TECPR2: variants seen among roughly 807,000 people sequenced by gnomAD.
TECPR2 encodes the protein tectonin beta-propeller repeat containing 2, also known as tectonin beta-propeller repeat-containing protein 2.
Under a neutral mutation model 138.1 loss-of-function variants are expected in TECPR2, and 65 were observed. The ratio of observed to expected loss-of-function variants is 0.47; its 90% CI spans 0.39 to 0.58. The LOEUF (loss-of-function observed/expected upper bound fraction) is 0.58, where lower values mean the gene tolerates loss of function less well. TECPR2 is among the 20% of genes least tolerant of loss of function. The probability of loss-of-function intolerance (pLI) is 0.00; values close to 1 mark genes in which losing one functional copy is unlikely to be tolerated. For missense variants in TECPR2, 1,553 were observed against 1,824.5 expected (o/e 0.85, Z 2.71); for synonymous variants, 746 against 749.8 (o/e 0.99, Z 0.08).
intron 17 of TECPR2, among the ~76,000 whole-genome samples, chr14:102,478,751 C>T (rs568623301): frequency 1.0e-3 from 159 of 152,056 alleles, no homozygotes; most frequent in Admixed American, 4.0e-3. Context: ...CATGGTGGCT[C>T]ACACCTGTAA....
At chr14:102,465,094 C>T (rs771372281) in intron 16 of TECPR2, 47 bp from the exon 17 acceptor site, 1 of 1,588,940 alleles carries the variant, frequency 6.3e-7, no homozygotes, top group South Asian at 1.1e-5. Context: ...AAAGAATAGT[C>T]ATTGTACAAA....
intron 17 of TECPR2, among the ~76,000 whole-genome samples, chr14:102,473,930 A>G (rs183507781): frequency 6.6e-6 from 1 of 152,304 alleles, no homozygotes; most frequent in Non-Finnish European, 1.5e-5. Context: ...AATGGTGTCT[A>G]TGGTGTGGTT....
Position 102,387,692 on chromosome 14 carries a change from A to G in TECPR2, c.219+10752A>G, listed in dbSNP as rs188692504. Among the ~76,000 whole-genome samples, 391 of 151,754 alleles carry G rather than the reference A, an allele frequency of 2.6e-3. 2 individuals are homozygous for G. The highest frequency in any genetic ancestry group is 9.0e-3 in the African/African-American group (373 of 41,366). On this transcript the variant is annotated intron_variant, in intron 2 of 19. Transcript: ENST00000359520. ...CAGGTGCCTGCCACCACGCCTGGCT[A>G]ATTTTTTGTATTTTTAATAGAGACA...
At chr14:102,437,305 G>T (rs1259302210) in intron 9 of TECPR2, among the ~76,000 whole-genome samples, 1 of 152,252 alleles carries the variant, frequency 6.6e-6, no homozygotes, top group East Asian at 1.9e-4. Flanking sequence ...CCAGCACTTT[G>T]GGAGGCCAAG....
At chr14:102,411,699 CAAAAAAAAAAAAAAAAA>C (rs1173849759) in intron 4 of TECPR2, among the ~76,000 whole-genome samples, 5 of 46,874 alleles carry the variant, frequency 1.1e-4, no homozygotes, top group South Asian at 1.2e-3. Flanking sequence ...CCATGTTGCT[CAAAAAAAAAAAAAAAAA>C]AAAAAAAAAA....
intron 9 of TECPR2, among the ~76,000 whole-genome samples, chr14:102,435,466 C>T (rs1317708678): frequency 6.6e-6 from 1 of 152,202 alleles, no homozygotes; most frequent in African/African-American, 2.4e-5. Context: ...TTGCTGTTTC[C>T]TCTGACCCCA....
intron 17 of TECPR2, among the ~76,000 whole-genome samples, chr14:102,490,860 A>G (rs1891142781): frequency 6.6e-6 from 1 of 152,122 alleles, no homozygotes; most frequent in Non-Finnish European, 1.5e-5. Flanking sequence ...TCCTCAGACG[A>G]CATGTGCTAG....
intron 2 of TECPR2, among the ~76,000 whole-genome samples, chr14:102,406,674 T>C (rs1318138817): frequency 1.3e-5 from 2 of 152,044 alleles, no homozygotes; most frequent in African/African-American, 4.8e-5. Flanking sequence ...GGCAATATAG[T>C]GAGACCTTGT....
intron 17 of TECPR2, among the ~76,000 whole-genome samples, chr14:102,470,333 A>G (rs1179962655): frequency 2.7e-5 from 4 of 145,850 alleles, no homozygotes; most frequent in Non-Finnish European, 4.5e-5. Flanking sequence ...TCTGACATGG[A>G]GTCTCGCTCT....
chr14:102,408,874 A>G lies in TECPR2; in HGVS notation c.480+255A>G, dbSNP rs148394192. The stretch of plus-strand genomic sequence containing the variant: ...ATTACTTTTACTTGAAAAAGAAGCT[A>G]TTATCATTCCTACTTCCTTGAAAGG... On this transcript the variant is annotated intron_variant, in intron 4 of 19. Coordinates refer to ENST00000359520, the MANE Select transcript of TECPR2 (RefSeq NM_014844.5). Among the ~76,000 whole-genome samples, 223 of 152,330 alleles carry G rather than the reference A, an allele frequency of 1.5e-3. 1 individual carries two copies. The highest frequency in any genetic ancestry group is 2.4e-3 in the Non-Finnish European group (161 of 68,036).
At chr14:102,400,020 T>C (rs1888430917) in intron 2 of TECPR2, among the ~76,000 whole-genome samples, 2 of 151,350 alleles carry the variant, frequency 1.3e-5, no homozygotes, top group Admixed American at 1.3e-4. Context: ...GTAATGTTGG[T>C]TTGTGAATCC....
Position 102,369,778 on chromosome 14 carries a change from AAAAAAAAC to A in TECPR2, c.-73+6685_-73+6692del, listed in dbSNP as rs1295399437. ...AACACGGTGAAACCCCGTCTCTACT[AAAAAAAAC>A]AAAAAAACAAAAAAACAAAAAATTA... On this transcript the variant is annotated intron_variant, in intron 1 of 19. Transcript: ENST00000359520. 1.4e-3 allele frequency among the ~76,000 whole-genome samples: 209 copies of A among 150,474 alleles called. 1 individual carries two copies. Among genetic ancestry groups the A allele is most frequent in the African/African-American group, 4.1e-3 (169 of 40,892 alleles).
chr14:102,476,221 A>C (rs1004463529), intron 17 of TECPR2, among the ~76,000 whole-genome samples: 20 of 150,952 alleles, frequency 1.3e-4, no homozygotes, highest in Non-Finnish European at 1.9e-4. Flanking sequence ...AAAAAAAAAA[A>C]AAAAAAAAAA....
intron 6 of TECPR2, among the ~76,000 whole-genome samples, chr14:102,427,078 T>G (rs1889343243): frequency 6.6e-6 from 1 of 152,000 alleles, no homozygotes. Flanking sequence ...GAGCCTGGTT[T>G]GTTTTCCTGT....
chr14:102,436,129 A>G (rs1379661408), intron 9 of TECPR2, among the ~76,000 whole-genome samples: 6 of 152,078 alleles, frequency 3.9e-5, no homozygotes, highest in Non-Finnish European at 8.8e-5. Flanking sequence ...TCTTGTCCCC[A>G]TTTTACAGAG....
At chr14:102,416,937 C>G (rs934834056) in intron 5 of TECPR2, among the ~76,000 whole-genome samples, 1 of 152,072 alleles carries the variant, frequency 6.6e-6, no homozygotes, top group Non-Finnish European at 1.5e-5. Flanking sequence ...TGAGCTGAGA[C>G]TGCACCACCG....
intron 7 of TECPR2, among the ~76,000 whole-genome samples, chr14:102,429,459 C>T (rs1889410018): frequency 6.6e-6 from 1 of 152,134 alleles, no homozygotes; most frequent in Admixed American, 6.5e-5. Flanking sequence ...TTTCTCTGTG[C>T]TTTTGACATT....
chr14:102,416,185 G>T (rs866175612), intron 5 of TECPR2, among the ~76,000 whole-genome samples: 6 of 151,986 alleles, frequency 3.9e-5, no homozygotes, highest in South Asian at 2.1e-4. Context: ...GCAGTGGTGC[G>T]ATCTTGGCTC....
rs1888689138 is a variant in TECPR2 at position 102,407,417 on chromosome 14, G to A, written c.299G>A (p.Arg100Lys). The A allele has an allele frequency of 6.2e-7, 1 of 1,613,514 alleles. No homozygotes were observed. The highest frequency in any genetic ancestry group is 1.7e-5 in the Admixed American group (1 of 59,944). The change falls in exon 3 of 20, where the codon AGG becomes AAG. Residue 100 changes from arginine (R) to lysine (K), a missense_variant. Physicochemically the swap from Arg to Lys is conservative, Grantham distance 26. Coordinates refer to ENST00000359520, the MANE Select transcript of TECPR2 (RefSeq NM_014844.5). ...GTGGCAGCAGGCACAGCCTCTGGCAGGGTTGCAGTTTTTCAACTTGTATCT... is the reference window on the plus strand; with the variant it reads ...GTGGCAGCAGGCACAGCCTCTGGCAAGGTTGCAGTTTTTCAACTTGTATCT... ...DLVAAGTASG[R>K]VAVFQLVSSL...
Sources: allele counts gnomAD v4.1 joint callset (sites outside exome capture counted in the v4.1 genomes callset), GRCh38; gene constraint gnomAD v4.1.1; transcripts MANE v1.5; gene names NCBI Gene and HGNC (gene_info 2026-07-23, HGNC 2026-07-21).